The following DCC variants were observed in gnomAD, a reference collection of about 807,000 sequenced individuals.
DCC encodes the protein netrin receptor DCC.
Under a neutral mutation model 172.5 loss-of-function variants are expected in DCC, and 58 were observed. The ratio of observed to expected loss-of-function variants is 0.34; its 90% CI spans 0.27 to 0.42. The LOEUF (loss-of-function observed/expected upper bound fraction) is 0.42. Ranked by LOEUF, DCC falls within the 10% of genes least tolerant of loss-of-function variation. The pLI is 1.00. For missense variants in DCC, 1,740 were observed against 1,791.0 expected, an observed-to-expected ratio of 0.97 and a Z score of 0.51; for synonymous variants, 709 against 644.5, an observed-to-expected ratio of 1.10 and a Z score of -1.52.
intron 1 of DCC, among the ~76,000 whole-genome samples, chr18:52,565,134 C>T (rs535939779): frequency 6.6e-4 from 101 of 152,158 alleles, no homozygotes; most frequent in African/African-American, 2.3e-3. Flanking sequence ...ATTCTATGTA[C>T]TTTTAAACAT....
At position 53,321,713 on chromosome 18, in the gene DCC, C is replaced by T. The variant is rs574460026; in HGVS notation, c.2054-334C>T. On this transcript the variant is annotated intron_variant, in intron 13 of 28. Coordinates refer to ENST00000442544, the MANE Select transcript of DCC (RefSeq NM_005215.4). The stretch of plus-strand genomic sequence containing the variant: ...AGATTGACTGTTCTTGATTTATAGA[C>T]GTGGATCTTCTGAACAGTAAGGAAA... Among the ~76,000 whole-genome samples, 7 of 152,072 alleles carry T rather than the reference C, an allele frequency of 4.6e-5. No homozygotes were observed. In the East Asian group the frequency reaches 5.8e-4, roughly 13 times the overall value.
At chr18:52,863,711 C>A (rs1397873820) in intron 2 of DCC, among the ~76,000 whole-genome samples, 1 of 151,694 alleles carries the variant, frequency 6.6e-6, no homozygotes, top group Non-Finnish European at 1.5e-5. Context: ...GAATGTTTAT[C>A]TCATTTACAG....
intron 7 of DCC, among the ~76,000 whole-genome samples, chr18:53,087,134 G>T (rs2042925086): frequency 6.6e-6 from 1 of 152,044 alleles, no homozygotes; most frequent in Non-Finnish European, 1.5e-5. Context: ...GGATGGCTGG[G>T]TCAAATGGTA....
At chr18:52,931,476 T>G (rs2040306029) in intron 5 of DCC, among the ~76,000 whole-genome samples, 1 of 152,140 alleles carries the variant, frequency 6.6e-6, no homozygotes, top group African/African-American at 2.4e-5. Flanking sequence ...CTTAACTGTC[T>G]GTGAATGTGA....
chr18:53,134,511 T>C (rs1598836469), intron 7 of DCC, among the ~76,000 whole-genome samples: 2 of 152,170 alleles, frequency 1.3e-5, no homozygotes, highest in Admixed American at 1.3e-4. Context: ...ATGAAGGAGA[T>C]TTGTTTTCAG....
intron 12 of DCC, among the ~76,000 whole-genome samples, chr18:53,215,971 A>G (rs575565096): frequency 1.3e-5 from 2 of 152,320 alleles, no homozygotes; most frequent in Admixed American, 6.5e-5. Flanking sequence ...ATTAGGAGAA[A>G]GAAAGACTGT....
chr18:52,674,594 C>A (rs1433776610), intron 1 of DCC, among the ~76,000 whole-genome samples: 6 of 152,158 alleles, frequency 3.9e-5, no homozygotes, highest in African/African-American at 1.4e-4. Flanking sequence ...ATCACAAGCA[C>A]AACATATGGA....
intron 19 of DCC, among the ~76,000 whole-genome samples, chr18:53,406,597 G>A (rs1329295948): frequency 6.6e-6 from 1 of 151,598 alleles, no homozygotes; most frequent in East Asian, 1.9e-4. Flanking sequence ...CCAGCTACTG[G>A]GGAGGCTGAG....
chr18:53,301,174 C>T lies in DCC; in HGVS notation c.1912-4404C>T, dbSNP rs189583370. On this transcript the variant is annotated intron_variant, in intron 12 of 28. Transcript: ENST00000442544. ...GTGTGATCTCGGCTCACTGCAACCT[C>T]CACCTTCCGGGTTCAAGCGATTCTC... Among the ~76,000 whole-genome samples, 796 of 151,238 alleles carry T rather than the reference C, an allele frequency of 5.3e-3. 6 individuals carry two copies. The highest frequency in any genetic ancestry group is 0.022 in the Admixed American group (338 of 15,136).
Position 53,296,011 on chromosome 18 carries a change from C to G in DCC, c.1912-9567C>G, listed in dbSNP as rs1955739904. The stretch of plus-strand genomic sequence containing the variant: ...TAAGAAATGTGAATGGTACCCTGCA[C>G]AGAGGAAGTTTCTCAATAAGTATTC... On this transcript the variant is annotated intron_variant, in intron 12 of 28. Coordinates refer to ENST00000442544, the MANE Select transcript of DCC (RefSeq NM_005215.4). Among the ~76,000 whole-genome samples, 3 of 152,294 alleles carry G rather than the reference C, an allele frequency of 2.0e-5. No individual in the cohort carries two copies. In the East Asian group the frequency reaches 5.8e-4, roughly 29 times the overall value.
chr18:52,550,844 G>T (rs1055150192), intron 1 of DCC, among the ~76,000 whole-genome samples: 1 of 151,944 alleles, frequency 6.6e-6, no homozygotes. Context: ...GGTGTGGGGT[G>T]TATGGGAACT....
At chr18:53,402,271 ATCC>A (rs1655418597) in intron 18 of DCC, among the ~76,000 whole-genome samples, 1 of 151,998 alleles carries the variant, frequency 6.6e-6, no homozygotes, top group Admixed American at 6.6e-5. Flanking sequence ...GCAACAGTGG[ATCC>A]GGCTACTCAG....
chr18:53,169,493 C>A (rs1161644955), intron 8 of DCC, among the ~76,000 whole-genome samples: 1 of 152,118 alleles, frequency 6.6e-6, no homozygotes, highest in Non-Finnish European at 1.5e-5. Flanking sequence ...TGGCTTGATT[C>A]CTTTACTTCA....
chr18:52,927,116 C>T lies in DCC; in HGVS notation c.985+1746C>T, dbSNP rs796455543. Among the ~76,000 whole-genome samples, 17 of 85,442 alleles carry T rather than the reference C, an allele frequency of 2.0e-4. 4 individuals are homozygous for T. Among genetic ancestry groups the T allele is most frequent in the South Asian group, 4.2e-4 (1 of 2,402 alleles). 56.1% of individuals were successfully genotyped at this position (85,442 alleles called of 152,430 possible). ...ATATACGTGTATATACACGTATATA[C>T]GTGTATATACACGTATATACGTGTA... On this transcript the variant is annotated intron_variant, in intron 5 of 28. Transcript: ENST00000442544.
intron 2 of DCC, among the ~76,000 whole-genome samples, chr18:52,783,528 T>C (rs922063545): frequency 5.9e-5 from 9 of 151,676 alleles, no homozygotes; most frequent in African/African-American, 2.2e-4. Flanking sequence ...GTTGATAGTA[T>C]TATTTTTTCT....
chr18:53,009,393 C>A (rs180688168), intron 5 of DCC, among the ~76,000 whole-genome samples: 1 of 151,856 alleles, frequency 6.6e-6, no homozygotes, highest in Non-Finnish European at 1.5e-5. Context: ...CCATTGGAAG[C>A]CTGGGATTTA....
intron 2 of DCC, among the ~76,000 whole-genome samples, chr18:52,869,663 C>T (rs2039286462): frequency 6.6e-6 from 1 of 152,228 alleles, no homozygotes; most frequent in Non-Finnish European, 1.5e-5. Flanking sequence ...CCGAGCTGCC[C>T]TCAGCCCTCC....
At chr18:53,163,522 A>G (rs984519554) in intron 8 of DCC, among the ~76,000 whole-genome samples, 9 of 152,220 alleles carry the variant, frequency 5.9e-5, no homozygotes, top group Non-Finnish European at 1.0e-4. Flanking sequence ...TTGTGAATTT[A>G]ACATTTATCT....
At chr18:53,050,053 A>C (rs1393010616) in intron 5 of DCC, among the ~76,000 whole-genome samples, 1 of 149,360 alleles carries the variant, frequency 6.7e-6, no homozygotes, top group Non-Finnish European at 1.5e-5. Context: ...AGAGTGAAAA[A>C]GCTGAAAAAC....
Sources: allele counts gnomAD v4.1 joint callset (sites outside exome capture counted in the v4.1 genomes callset), GRCh38; gene constraint gnomAD v4.1.1; transcripts MANE v1.5; gene names NCBI Gene and HGNC (gene_info 2026-07-23, HGNC 2026-07-21).